Variants in KCNQ1 observed in about 807,000 individuals in gnomAD.
KCNQ1 encodes the protein potassium voltage-gated channel subfamily KQT member 1.
A neutral mutation model predicts 72.4 loss-of-function variants in KCNQ1; 49 were observed. The observed-to-expected ratio is 0.68, with a 90% confidence interval of 0.54 to 0.86. KCNQ1 has a LOEUF of 0.86. Among genes scored for constraint, KCNQ1 ranks in the 40% least tolerant of loss-of-function variants. KCNQ1 has a pLI of 0.00. For synonymous variants in KCNQ1, 450 were observed against 412.6 expected, an observed-to-expected ratio of 1.09 and a Z score of -1.10; for missense variants, 790 against 945.1, an observed-to-expected ratio of 0.84 and a Z score of 2.15.
rs950968561 is a variant in KCNQ1 at position 2,488,709 on chromosome 11, A to T, written c.387-39219A>T. Among the ~76,000 whole-genome samples, 1 of 152,072 alleles carries T rather than the reference A, an allele frequency of 6.6e-6. No individual in the cohort carries two copies. Among genetic ancestry groups the T allele is most frequent in the Non-Finnish European group, 1.5e-5 (1 of 68,002 alleles). Reference sequence around the variant, plus strand: ...AATTGATAGTCATGTCCCTATTTTCACTTCTGATTTCAGTAGTCTTCTCTC... The same window carrying T: ...AATTGATAGTCATGTCCCTATTTTCTCTTCTGATTTCAGTAGTCTTCTCTC... On this transcript the variant is annotated intron_variant, in intron 1 of 15. Transcript: ENST00000155840. The surrounding 1 kb of genome is among the most constrained non-coding windows in gnomAD (Gnocchi z 5.1).
rs759283672 is a variant in KCNQ1, at chr11:2,735,461, G to A, written c.1515-33383G>A. 1.3e-5 allele frequency among the ~76,000 whole-genome samples: 2 copies of A among 151,704 alleles called. No individual in the cohort carries two copies. Among genetic ancestry groups the A allele is most frequent in the Non-Finnish European group, 2.9e-5 (2 of 67,928 alleles). ...CCCTCCTAGGCCAGGGATGCCTGAA[G>A]CCACACTCCACTGCATTCAGCCACC... On this transcript the variant is annotated intron_variant, in intron 11 of 15. Coordinates refer to ENST00000155840, the MANE Select transcript of KCNQ1 (RefSeq NM_000218.3). This position sits in a 1 kb window ranked among gnomAD's most constrained non-coding sequence, Gnocchi z 7.7.
intron 15 of KCNQ1, among the ~76,000 whole-genome samples, chr11:2,788,633 C>T (rs1484601470): frequency 2.0e-5 from 3 of 151,270 alleles, no homozygotes; most frequent in East Asian, 1.9e-4. Flanking sequence ...TAGGCAAAGG[C>T]GGGGGCTCTG....
chr11:2,539,349 G>A (rs557499858), intron 2 of KCNQ1, among the ~76,000 whole-genome samples: 5 of 152,298 alleles, frequency 3.3e-5, no homozygotes, highest in African/African-American at 4.8e-5. Flanking sequence ...TGGTTCCATC[G>A]TCTTCCCTGT....
chr11:2,524,002 T>A (rs1396627468), intron 1 of KCNQ1, among the ~76,000 whole-genome samples: 1 of 152,126 alleles, frequency 6.6e-6, no homozygotes, highest in African/African-American at 2.4e-5. Context: ...GGTGTCTGTG[T>A]CCTTGTCCTG....
Position 2,653,061 on chromosome 11 carries a change from G to A in KCNQ1, c.1394-8900G>A, listed in dbSNP as rs758427768. 1.0e-5 allele frequency: 4 copies of A among 398,538 alleles called. No homozygotes were observed. Among genetic ancestry groups the A allele is most frequent in the African/African-American group, 2.1e-5 (1 of 48,628 alleles). The allele number at this position is 398,538 out of a possible 1,614,324, so 24.7% of individuals were successfully genotyped here. ...TGAGATCCAACATGTTCCATAATTT[G>A]CATCAAACATCCTCATACAGCAGGG... On this transcript the variant is annotated intron_variant, in intron 10 of 15. Coordinates refer to ENST00000155840, the MANE Select transcript of KCNQ1 (RefSeq NM_000218.3). This position sits in a 1 kb window ranked among gnomAD's most constrained non-coding sequence, Gnocchi z 5.3.
rs1590025224 is a variant in KCNQ1, at chr11:2,676,168, C to T, written c.1514+14087C>T. On this transcript the variant is annotated intron_variant, in intron 11 of 15. Coordinates refer to ENST00000155840, the MANE Select transcript of KCNQ1 (RefSeq NM_000218.3). This position sits in a 1 kb window ranked among gnomAD's most constrained non-coding sequence, Gnocchi z 4.2. ...ACTGTATGTATTTTTCTACACTTTG[C>T]CTTTGACTTCTTCCATAGGTATGCC... The T allele has an allele frequency of 5.0e-6, 2 of 398,388 alleles. No homozygotes were observed. The highest frequency in any genetic ancestry group is 2.5e-4 in the South Asian group (2 of 7,864). The allele number at this position is 398,388 out of a possible 1,614,324, so 24.7% of individuals were successfully genotyped here. A position where few individuals can be genotyped will look rare whatever the true frequency, so the allele number is the denominator to read the frequency against.
intron 14 of KCNQ1, chr11:2,777,538 A>G: frequency 1.9e-6 from 1 of 538,740 alleles, no homozygotes; most frequent in South Asian, 3.1e-5. Context: ...TGACAGGGAA[A>G]AGGCACATTC....
chr11:2,618,655 T>A, intron 10 of KCNQ1: 1 of 398,612 alleles, frequency 2.5e-6, no homozygotes, highest in Non-Finnish European at 4.4e-6. Flanking sequence ...CAGAACAGAA[T>A]TTTCAGAATT....
chr11:2,485,346 T>G (rs1193933279), intron 1 of KCNQ1, among the ~76,000 whole-genome samples: 2 of 147,778 alleles, frequency 1.4e-5, no homozygotes, highest in Non-Finnish European at 1.5e-5. Flanking sequence ...CTGCCAGCCC[T>G]TCCCTCCCCA....
chr11:2,716,411 A>C (rs914593510), intron 11 of KCNQ1, among the ~76,000 whole-genome samples: 2 of 152,200 alleles, frequency 1.3e-5, no homozygotes, highest in Admixed American at 1.3e-4. Context: ...CCCATTGGCC[A>C]GAACACAGTC....
At chr11:2,672,775 C>T (rs1015302103) in intron 11 of KCNQ1, 7 of 398,662 alleles carry the variant, frequency 1.8e-5, no homozygotes, top group East Asian at 7.1e-5. Flanking sequence ...GTCTCCTCCC[C>T]GCAACAGATC....
intron 1 of KCNQ1, among the ~76,000 whole-genome samples, chr11:2,521,245 T>C (rs1027077354): frequency 6.6e-6 from 1 of 151,994 alleles, no homozygotes; most frequent in Non-Finnish European, 1.5e-5. Context: ...GCCATCCTGC[T>C]CTCCGCAACC....
At position 2,813,578 on chromosome 11, in the gene KCNQ1, C is replaced by T. The variant is rs958406421; in HGVS notation, c.1795-34189C>T. On this transcript the variant is annotated intron_variant, in intron 15 of 15. Coordinates refer to ENST00000155840, the MANE Select transcript of KCNQ1 (RefSeq NM_000218.3). This position sits in a 1 kb window ranked among gnomAD's most constrained non-coding sequence, Gnocchi z 4.4. ...AGCCATTCAGCCACATGGAGTATGT[C>T]CTCTGTCGAGGGGGCAGGGACTCAA... is the stretch of plus-strand genomic sequence containing the variant. Among the ~76,000 whole-genome samples, 2 of 152,086 alleles carry T rather than the reference C, an allele frequency of 1.3e-5. No homozygotes were observed. The highest frequency in any genetic ancestry group is 4.8e-5 in the African/African-American group (2 of 41,408).
chr11:2,820,106 ATTCTT>A (rs1175243006), intron 15 of KCNQ1, among the ~76,000 whole-genome samples: 1 of 152,010 alleles, frequency 6.6e-6, no homozygotes, highest in African/African-American at 2.4e-5. Context: ...GACTTTGTTC[ATTCTT>A]TTCTTTGTAT....
At chr11:2,584,133 C>T (rs1224513347) in intron 7 of KCNQ1, among the ~76,000 whole-genome samples, 1 of 152,100 alleles carries the variant, frequency 6.6e-6, no homozygotes, top group African/African-American at 2.4e-5. Context: ...ACTGTGTATA[C>T]ATATTGTATG....
rs145084711 is a variant in KCNQ1, at chr11:2,459,242, C to T, written c.386+13758C>T. ...GTCTCCTCTGGGCGCCCCGTGGCGC[C>T]CGGTGGTGTGAGGTTAGGATGTGGG... is the stretch of plus-strand genomic sequence containing the variant. On this transcript the variant is annotated intron_variant, in intron 1 of 15. Transcript: ENST00000155840. Among the ~76,000 whole-genome samples the T allele has an allele frequency of 2.5e-3, 378 of 152,248 alleles. 1 individual carries two copies. Among genetic ancestry groups the T allele is most frequent in the African/African-American group, 8.9e-3 (369 of 41,544 alleles).
chr11:2,555,299 C>G (rs931072218), intron 2 of KCNQ1, among the ~76,000 whole-genome samples: 10 of 152,234 alleles, frequency 6.6e-5, no homozygotes, highest in Non-Finnish European at 1.5e-4. Context: ...CGCTCCACCC[C>G]CTTTTCCCCC....
rs1032266042 is a variant in KCNQ1, at chr11:2,813,160, T to C, written c.1795-34607T>C. 3.3e-5 allele frequency among the ~76,000 whole-genome samples: 5 copies of C among 152,218 alleles called. No individual in the cohort carries two copies. On this transcript the variant is annotated intron_variant, in intron 15 of 15. Coordinates refer to ENST00000155840, the MANE Select transcript of KCNQ1 (RefSeq NM_000218.3). The surrounding 1 kb of genome is among the most constrained non-coding windows in gnomAD (Gnocchi z 4.4). Reference sequence around the variant, plus strand: ...AACCCGACAGACTGTGAGCCCTGTCTTCCTCTTGGCACCATGAGTCACCTG... The same window carrying C: ...AACCCGACAGACTGTGAGCCCTGTCCTCCTCTTGGCACCATGAGTCACCTG...
Position 2,781,027 on chromosome 11 carries a change from C to T in KCNQ1, c.1794+2990C>T, listed in dbSNP as rs922321527. ...TGGAGAGCAGAAACCCACCCACACCCGCAGATCCAGGGGCCTCCTCACAGC... is the reference window on the plus strand; with the variant it reads ...TGGAGAGCAGAAACCCACCCACACCTGCAGATCCAGGGGCCTCCTCACAGC... On this transcript the variant is annotated intron_variant, in intron 15 of 15. Coordinates refer to ENST00000155840, the MANE Select transcript of KCNQ1 (RefSeq NM_000218.3). The surrounding 1 kb of genome is among the most constrained non-coding windows in gnomAD (Gnocchi z 6.6). Among the ~76,000 whole-genome samples, 1 of 152,126 alleles carries T rather than the reference C, an allele frequency of 6.6e-6. No homozygotes were observed. Among genetic ancestry groups the T allele is most frequent in the Admixed American group, 6.5e-5 (1 of 15,278 alleles).
Sources: allele counts gnomAD v4.1 joint callset (sites outside exome capture counted in the v4.1 genomes callset), GRCh38; gene constraint gnomAD v4.1.1; non-coding constraint Gnocchi (gnomAD v3.1); transcripts MANE v1.5; gene names NCBI Gene and HGNC (gene_info 2026-07-23, HGNC 2026-07-21).